EP400: variants seen among roughly 807,000 people sequenced by gnomAD.
EP400 encodes E1A binding protein p400, also known as E1A-binding protein p400.
Under a neutral mutation model 354.1 loss-of-function variants are expected in EP400, and 105 were observed. The observed-to-expected ratio is 0.30, with a 90% CI of 0.25 to 0.35. The LOEUF is 0.35. EP400 is among the 10% of genes least tolerant of loss of function. The pLI is 1.00. For synonymous variants in EP400, 1,646 were observed against 1,716.9 expected, an observed-to-expected ratio of 0.96 and a Z score of 1.02; for missense variants, 3,280 against 4,121.0, an observed-to-expected ratio of 0.80 and a Z score of 5.59.
chr12:132,065,163 G>C, intron 48 of EP400: 1 of 575,142 alleles, frequency 1.7e-6, no homozygotes, highest in Non-Finnish European at 3.0e-6. Context: ...TGCAGCCTGC[G>C]TGGCTTCCCT....
chr12:131,973,640 C>G (rs1409179193), intron 2 of EP400, among the ~76,000 whole-genome samples: 1 of 152,006 alleles, frequency 6.6e-6, no homozygotes, highest in African/African-American at 2.4e-5. Flanking sequence ...AAGACTCTGT[C>G]TCAAAAAAAA....
chr12:132,024,821 G>T (rs1423434593), intron 24 of EP400, among the ~76,000 whole-genome samples: 1 of 122,488 alleles, frequency 8.2e-6, no homozygotes, highest in East Asian at 2.4e-4. Flanking sequence ...CCCCACAGCA[G>T]CCCCGGTGGC....
At chr12:131,956,283 G>A (rs1159837947) in intron 1 of EP400, among the ~76,000 whole-genome samples, 1 of 152,178 alleles carries the variant, frequency 6.6e-6, no homozygotes, top group Non-Finnish European at 1.5e-5. Flanking sequence ...CTGCTCATCA[G>A]GGGAAGGTCA....
intron 46 of EP400, 34 bp downstream of exon 46, chr12:132,062,357 G>T (rs769848991): frequency 1.2e-6 from 2 of 1,613,284 alleles, no homozygotes; most frequent in South Asian, 1.1e-5. Flanking sequence ...TCTGCCACAC[G>T]TCTGCTCTGG....
At chr12:132,005,835 G>C (rs1003802022) in intron 13 of EP400, among the ~76,000 whole-genome samples, 49 of 152,110 alleles carry the variant, frequency 3.2e-4, no homozygotes, top group African/African-American at 1.1e-3. Context: ...GCTCCTAATT[G>C]CTATGGAGAC....
At chr12:132,010,180 G>A (rs577528402) in intron 15 of EP400, among the ~76,000 whole-genome samples, 4 of 149,952 alleles carry the variant, frequency 2.7e-5, no homozygotes, top group African/African-American at 4.9e-5. Flanking sequence ...CTCTGCCTCC[G>A]GGTTCAAGTG....
In EP400 at chr12:131,979,918, CCTGT is replaced by C. The variant is rs1013573593; in HGVS notation, c.1435+128_1435+131del. ...GGTTTCTTCCTACTTTGAAAATTAA[CCTGT>C]CTTACAGTGATTATCAGCTGAACAA... On this transcript the variant is annotated intron_variant, in intron 3 of 52. Transcript: ENST00000389561. 83 of 717,050 alleles carry C rather than the reference CCTGT, an allele frequency of 1.2e-4. 1 individual carries two copies. The African/African-American group carries it at 1.3e-3, about 12-fold the overall frequency. The allele number at this position is 717,050 out of a possible 1,614,324, so 44.4% of individuals were successfully genotyped here. A position where few individuals can be genotyped will look rare whatever the true frequency, so the allele number is the denominator to read the frequency against.
At chr12:132,002,728 G>A (rs1893458134) in intron 12 of EP400, among the ~76,000 whole-genome samples, 1 of 152,196 alleles carries the variant, frequency 6.6e-6, no homozygotes, top group East Asian at 1.9e-4. Context: ...AGTCACCTAC[G>A]GTCATTCTCA....
rs186127335 is a variant in EP400, at chr12:131,976,127, A to G, written c.1336-3567A>G. 5.3e-5 allele frequency among the ~76,000 whole-genome samples: 8 copies of G among 152,198 alleles called. No individual in the cohort carries two copies. The East Asian group carries it at 1.4e-3, about 26-fold the overall frequency. On this transcript the variant is annotated intron_variant, in intron 2 of 52. Coordinates refer to ENST00000389561, the MANE Select transcript of EP400 (RefSeq NM_015409.5). Reference sequence around the variant, plus strand: ...TATTTTAATAGTTTCTGTTTTGTCAAGATTTCTTCTTGTCTTTTATTGCAG... The same window carrying G: ...TATTTTAATAGTTTCTGTTTTGTCAGGATTTCTTCTTGTCTTTTATTGCAG...
rs757204658 is a variant in EP400, at chr12:132,028,247, G to A, written c.5340G>A (p.Thr1780=). The change falls in exon 27 of 53, where the codon ACG becomes ACA. Residue 1780 remains threonine, a synonymous_variant. Coordinates refer to ENST00000389561, the MANE Select transcript of EP400 (RefSeq NM_015409.5). The part of the protein sequence containing the change: ...SSESPSELML[T]LCRCGESLQD... ...AAAGTCCAAGTGAGCTGATGTTGAC[G>A]CTTTGTCGGTGTGGAGAGTCTCTGC... is the stretch of plus-strand genomic sequence containing the variant. 4 of 1,614,208 alleles carry A rather than the reference G, an allele frequency of 2.5e-6. No homozygotes were observed. The highest frequency in any genetic ancestry group is 1.1e-5 in the South Asian group (1 of 91,072).
intron 23 of EP400, 129 bp from the exon 24 acceptor site, chr12:132,023,648 G>T: frequency 1.4e-6 from 1 of 738,768 alleles, no homozygotes; most frequent in Non-Finnish European, 2.1e-6. Context: ...AACACTACCT[G>T]ATAAACATTT....
At chr12:132,036,219 A>G (rs1436125719) in intron 30 of EP400, among the ~76,000 whole-genome samples, 3 of 147,134 alleles carry the variant, frequency 2.0e-5, no homozygotes, top group Non-Finnish European at 4.5e-5. Flanking sequence ...AGCCAGGTTC[A>G]CGCGGAACGT....
intron 47 of EP400, among the ~76,000 whole-genome samples, chr12:132,064,024 A>ACCC (rs61095317): frequency 1.3e-5 from 1 of 76,816 alleles, no homozygotes; most frequent in Non-Finnish European, 3.1e-5. Flanking sequence ...ACCACTGATG[A>ACCC]CCCCCCCCCG....
chr12:131,992,978 T>C (rs892734832), intron 11 of EP400, among the ~76,000 whole-genome samples: 2 of 152,218 alleles, frequency 1.3e-5, no homozygotes, highest in African/African-American at 4.8e-5. Flanking sequence ...ACAGGGAGTT[T>C]GGCCAGATTG....
intron 2 of EP400, among the ~76,000 whole-genome samples, chr12:131,971,584 T>C (rs1354633946): frequency 6.6e-6 from 1 of 152,234 alleles, no homozygotes; most frequent in Non-Finnish European, 1.5e-5. Context: ...GCTGTAATAG[T>C]TTACATTCTC....
In EP400 at chr12:132,027,442, G is replaced by C. The variant is rs146849627; in HGVS notation, c.5020G>C (p.Val1674Leu). 2 of 1,614,080 alleles carry C rather than the reference G, an allele frequency of 1.2e-6. No homozygotes were observed. Among genetic ancestry groups the C allele is most frequent in the East Asian group, 2.2e-5 (1 of 44,876 alleles). ...SPAPLTPQVG[V>L]PGRVAVNALA... is the part of the protein sequence containing the mutation. Reference sequence around the variant, plus strand: ...CTTCCTTTATGCATTTGTAGTTGGCGTTCCGGGCCGCGTGGCGGTGAATGC... The same window carrying C: ...CTTCCTTTATGCATTTGTAGTTGGCCTTCCGGGCCGCGTGGCGGTGAATGC... Residue 1674 changes from valine (V) to leucine (L), a missense_variant, in exon 26 of 53, where the codon GTT becomes CTT. By Grantham distance (32) the Val-to-Leu change is conservative (BLOSUM62 1). Coordinates refer to ENST00000389561, the MANE Select transcript of EP400 (RefSeq NM_015409.5). The surrounding 1 kb of genome is among the most constrained non-coding windows in gnomAD (Gnocchi z 4.9).
chr12:132,065,967 A>G (rs1385785820), intron 48 of EP400: 1 of 152,226 alleles, frequency 6.6e-6, no homozygotes, highest in Non-Finnish European at 1.5e-5. Flanking sequence ...ATAACTGAAC[A>G]TTTACAAAGT....
chr12:132,059,793 A>G (rs1203292024), intron 45 of EP400, among the ~76,000 whole-genome samples: 5 of 152,072 alleles, frequency 3.3e-5, no homozygotes, highest in South Asian at 4.1e-4. Flanking sequence ...AGGCGGGCGG[A>G]TCACGAGGTC....
In EP400 at chr12:132,044,957, C is replaced by A; in HGVS notation, c.6784+4C>A. The A allele has an allele frequency of 6.2e-7, 1 of 1,613,510 alleles. No homozygotes were observed. The highest frequency in any genetic ancestry group is 8.5e-7 in the Non-Finnish European group (1 of 1,179,864). ...CGACACAAAACAGACCCCTCAGGTG[C>A]GCATCCCGAGGGCGTCACATGACCT... On this transcript the variant is annotated splice_donor_region_variant and intron_variant, in intron 37 of 52. Coordinates refer to ENST00000389561, the MANE Select transcript of EP400 (RefSeq NM_015409.5).
Sources: allele counts gnomAD v4.1 joint callset (sites outside exome capture counted in the v4.1 genomes callset), GRCh38; gene constraint gnomAD v4.1.1; non-coding constraint Gnocchi (gnomAD v3.1); transcripts MANE v1.5; gene names NCBI Gene and HGNC (gene_info 2026-07-23, HGNC 2026-07-21).